The following REDIC1 variants were observed in gnomAD, a reference collection of about 807,000 sequenced individuals.
REDIC1 encodes HEI10 Interacting Protein 1.
chr12:39,818,805 A>G, the REDIC1 span, among the ~76,000 whole-genome samples: 3 of 152,174 alleles, frequency 2.0e-5, no homozygotes, highest in Non-Finnish European at 4.4e-5. Flanking sequence ...AGATGTAGAA[A>G]AGTTTCTACA....
the REDIC1 span, among the ~76,000 whole-genome samples, chr12:39,735,132 T>A: frequency 1.3e-5 from 2 of 151,988 alleles, no homozygotes; most frequent in East Asian, 1.9e-4. Flanking sequence ...TACCTGGGAG[T>A]GATGTGCTAC....
the REDIC1 span, chr12:39,684,888 A>C: frequency 1.2e-5 from 20 of 1,612,300 alleles, no homozygotes; most frequent in Non-Finnish European, 1.7e-5. Flanking sequence ...CTTCGGAAGA[A>C]TTGCACTCTA....
At chr12:39,683,470 T>G in the REDIC1 span, 9 of 1,596,620 alleles carry the variant, frequency 5.6e-6, no homozygotes, top group Non-Finnish European at 7.7e-6. Flanking sequence ...TTCAGAAATA[T>G]CCAGCAAACT....
At chr12:39,711,370 C>T in the REDIC1 span, among the ~76,000 whole-genome samples, 65 of 141,392 alleles carry the variant, frequency 4.6e-4, no homozygotes, top group Non-Finnish European at 5.3e-4. Context: ...CATATATACA[C>T]ATATACATAT....
the REDIC1 span, among the ~76,000 whole-genome samples, chr12:39,898,329 G>A: frequency 6.6e-6 from 1 of 152,122 alleles, no homozygotes; most frequent in Non-Finnish European, 1.5e-5. Context: ...AAACATTAGG[G>A]TGAAGCATGG....
chr12:39,744,858 A>G, the REDIC1 span, among the ~76,000 whole-genome samples: 2 of 152,192 alleles, frequency 1.3e-5, no homozygotes, highest in East Asian at 3.8e-4. Context: ...CATCACTTCA[A>G]AAGTTAATGG....
the REDIC1 span, among the ~76,000 whole-genome samples, chr12:39,720,554 A>G: frequency 1.3e-5 from 2 of 152,084 alleles, no homozygotes; most frequent in African/African-American, 4.8e-5. Context: ...TTTATTACAA[A>G]GATTATTATT....
the REDIC1 span, among the ~76,000 whole-genome samples, chr12:39,645,316 A>G: frequency 6.6e-6 from 1 of 152,024 alleles, no homozygotes; most frequent in Admixed American, 6.6e-5. Flanking sequence ...AGGATAAAAC[A>G]GAAAGCAAGC....
At chr12:39,737,923 G>T in the REDIC1 span, among the ~76,000 whole-genome samples, 1 of 152,140 alleles carries the variant, frequency 6.6e-6, no homozygotes, top group East Asian at 1.9e-4. Context: ...TCCATAGAAA[G>T]AATCTACCAA....
the REDIC1 span, among the ~76,000 whole-genome samples, chr12:39,724,001 T>C: frequency 6.6e-6 from 1 of 152,142 alleles, no homozygotes; most frequent in African/African-American, 2.4e-5. Context: ...ATCCCTCATT[T>C]TCATACATAC....
the REDIC1 span, among the ~76,000 whole-genome samples, chr12:39,890,895 A>C: frequency 1.0e-3 from 158 of 152,304 alleles, 1 homozygote; most frequent in African/African-American, 3.5e-3. Flanking sequence ...TAAAAACCTT[A>C]CAAAGTGGTA....
chr12:39,697,884 T>C, the REDIC1 span, among the ~76,000 whole-genome samples: 1 of 152,004 alleles, frequency 6.6e-6, no homozygotes, highest in African/African-American at 2.4e-5. Context: ...GATAACAAAA[T>C]AGCAGCAGTA....
chr12:39,798,734 T>C, the REDIC1 span, among the ~76,000 whole-genome samples: 1 of 152,138 alleles, frequency 6.6e-6, no homozygotes, highest in South Asian at 2.1e-4. Context: ...GGGACATTTC[T>C]CATGACACTT....
At chr12:39,732,127 A>G in the REDIC1 span, among the ~76,000 whole-genome samples, 2 of 152,180 alleles carry the variant, frequency 1.3e-5, no homozygotes, top group African/African-American at 4.8e-5. Context: ...TAGACACTCA[A>G]GTTTAATTTT....
chr12:39,692,797 A>G, the REDIC1 span, among the ~76,000 whole-genome samples: 1 of 152,008 alleles, frequency 6.6e-6, no homozygotes, highest in Non-Finnish European at 1.5e-5. Context: ...TTTCTCTAGG[A>G]TATATTTCTA....
the REDIC1 span, among the ~76,000 whole-genome samples, chr12:39,677,553 G>A: frequency 6.6e-6 from 1 of 152,014 alleles, no homozygotes; most frequent in Non-Finnish European, 1.5e-5. Context: ...AGTCAACAAA[G>A]AAACAATAGG....
chr12:39,646,298 T>A, the REDIC1 span: 1 of 712,234 alleles, frequency 1.4e-6, no homozygotes, highest in Non-Finnish European at 2.0e-6. Context: ...ATTCTTATTT[T>A]AAAATTATAA....
chr12:39,844,307 G>A, the REDIC1 span, among the ~76,000 whole-genome samples: 1 of 151,962 alleles, frequency 6.6e-6, no homozygotes, highest in South Asian at 2.1e-4. Context: ...CACAGTTTAG[G>A]GTCATAGTAA....
At chr12:39,808,846 A>G in the REDIC1 span, among the ~76,000 whole-genome samples, 1 of 152,112 alleles carries the variant, frequency 6.6e-6, no homozygotes. Context: ...TGTAAATAAT[A>G]CTTCCGGTCT....
Sources: gnomAD v4.1 joint callset for allele counts (sites outside exome capture counted in the v4.1 genomes callset) on GRCh38, gnomAD v4.1.1 for gene constraint, MANE v1.5 for transcripts, NCBI Gene and HGNC (gene_info 2026-07-23, HGNC 2026-07-21) for gene names.